The following RALGPS2 variants were observed in gnomAD, a reference collection of about 807,000 sequenced individuals.
The protein encoded by RALGPS2 is Ral GEF with PH domain and SH3 binding motif 2.
In RALGPS2, 43 loss-of-function variants were observed where a neutral mutation model predicts 86.8. The ratio of observed to expected loss-of-function variants is 0.50; its 90% CI spans 0.39 to 0.64. The LOEUF (loss-of-function observed/expected upper bound fraction) is 0.64, where lower values mean the gene tolerates loss of function less well. RALGPS2 is among the 30% of genes least tolerant of loss of function. RALGPS2 has a pLI of 0.00. For missense variants in RALGPS2, 536 were observed against 694.6 expected (o/e 0.77, Z 2.57); for synonymous variants, 243 against 231.3 (o/e 1.05, Z -0.46).
At chr1:178,913,845 G>C (rs536374682) in intron 19 of RALGPS2, among the ~76,000 whole-genome samples, 4 of 152,052 alleles carry the variant, frequency 2.6e-5, no homozygotes, top group Non-Finnish European at 5.9e-5. Flanking sequence ...GTCGACCACC[G>C]GCTGCACTGG....
At chr1:178,880,128 G>A (rs957653583) in intron 10 of RALGPS2, among the ~76,000 whole-genome samples, 3 of 151,918 alleles carry the variant, frequency 2.0e-5, no homozygotes, top group Admixed American at 1.3e-4. Context: ...ATAAAAGGTC[G>A]TGTTTCAAAA....
chr1:178,877,491 A>G lies in RALGPS2; in HGVS notation c.608-7A>G, dbSNP rs1349653233. On this transcript the variant is annotated splice_polypyrimidine_tract_variant and splice_region_variant and intron_variant, in intron 8 of 19. Transcript: ENST00000367635. ...AGAAAACGTTCATTTATCTAATTGT[A>G]TTTCAGGTATCTATTTGTCAGATTT... 7 of 1,612,504 alleles carry G rather than the reference A, an allele frequency of 4.3e-6. No individual in the cohort carries two copies. The highest frequency in any genetic ancestry group is 1.7e-5 in the Admixed American group (1 of 59,872).
At chr1:178,865,620 A>G (rs377060114) in intron 8 of RALGPS2, 2 of 1,613,894 alleles carry the variant, frequency 1.2e-6, no homozygotes, top group East Asian at 2.2e-5. Flanking sequence ...GGTACCAGGA[A>G]TGTGTATGCA....
intron 1 of RALGPS2, among the ~76,000 whole-genome samples, chr1:178,728,402 C>T (rs199635839): frequency 6.3e-4 from 81 of 129,540 alleles, no homozygotes; most frequent in Admixed American, 7.9e-4. Flanking sequence ...CGAAAGTATG[C>T]TTTTTTTTTT....
intron 7 of RALGPS2, among the ~76,000 whole-genome samples, chr1:178,828,929 A>C (rs1655886445): frequency 6.6e-6 from 1 of 152,224 alleles, no homozygotes; most frequent in Non-Finnish European, 1.5e-5. Context: ...GTATGTGTCC[A>C]GAGAAATTGA....
chr1:178,882,167 G>A (rs1001167122), intron 10 of RALGPS2, among the ~76,000 whole-genome samples: 4 of 152,192 alleles, frequency 2.6e-5, no homozygotes, highest in Admixed American at 2.0e-4. Flanking sequence ...TTATATTGCT[G>A]TCAGTTTCTA....
chr1:178,729,636 A>C (rs925168107), intron 1 of RALGPS2, among the ~76,000 whole-genome samples: 1 of 152,230 alleles, frequency 6.6e-6, no homozygotes, highest in Non-Finnish European at 1.5e-5. Context: ...TGCCAGCATG[A>C]CTCTCAAAGA....
chr1:178,910,361 C>G (rs978985634), intron 19 of RALGPS2, among the ~76,000 whole-genome samples: 1 of 152,112 alleles, frequency 6.6e-6, no homozygotes, highest in Non-Finnish European at 1.5e-5. Context: ...GGAATACTTC[C>G]AACTTTTGCC....
intron 19 of RALGPS2, among the ~76,000 whole-genome samples, chr1:178,913,655 G>A (rs1186810296): frequency 6.6e-6 from 1 of 152,090 alleles, no homozygotes; most frequent in Non-Finnish European, 1.5e-5. Flanking sequence ...GGTGCTTTTT[G>A]TTTTTATGTT....
chr1:178,809,398 C>T (rs914166648), intron 5 of RALGPS2, among the ~76,000 whole-genome samples: 11 of 151,698 alleles, frequency 7.3e-5, no homozygotes, highest in South Asian at 4.2e-4. Flanking sequence ...CTAATGTCAC[C>T]GAGATAGGAA....
intron 1 of RALGPS2, among the ~76,000 whole-genome samples, chr1:178,738,624 A>G (rs1011076508): frequency 5.3e-5 from 8 of 152,228 alleles, no homozygotes; most frequent in African/African-American, 1.9e-4. Flanking sequence ...GATCAGCCAT[A>G]TAATTTACTA....
chr1:178,768,786 C>T (rs1012904642), intron 1 of RALGPS2, among the ~76,000 whole-genome samples: 9 of 152,318 alleles, frequency 5.9e-5, no homozygotes, highest in South Asian at 2.1e-4. Context: ...GGCCACCAGA[C>T]GCCCAGAAGT....
At chr1:178,727,692 A>G (rs772291176) in intron 1 of RALGPS2, among the ~76,000 whole-genome samples, 2 of 152,118 alleles carry the variant, frequency 1.3e-5, no homozygotes, top group Non-Finnish European at 2.9e-5. Flanking sequence ...AATGATGGAT[A>G]TATAGGTGAA....
intron 4 of RALGPS2, among the ~76,000 whole-genome samples, chr1:178,804,152 A>G (rs568858384): frequency 1.3e-5 from 2 of 150,704 alleles, no homozygotes; most frequent in Admixed American, 6.6e-5. Context: ...AAATATTTGC[A>G]TAAGAGAACA....
intron 1 of RALGPS2, among the ~76,000 whole-genome samples, chr1:178,775,840 A>ATAT (rs895807333): frequency 2.0e-5 from 3 of 151,698 alleles, no homozygotes; most frequent in African/African-American, 7.3e-5. Context: ...AACATAGTGT[A>ATAT]TATTATGGTA....
At chr1:178,871,512 T>G (rs1009677141) in intron 8 of RALGPS2, among the ~76,000 whole-genome samples, 6 of 92,062 alleles carry the variant, frequency 6.5e-5, no homozygotes, top group African/African-American at 6.5e-5. Context: ...GAAGAATTTG[T>G]AAACATTTTA....
At chr1:178,898,766 A>T (rs1660047766) in intron 17 of RALGPS2, among the ~76,000 whole-genome samples, 1 of 151,972 alleles carries the variant, frequency 6.6e-6, no homozygotes, top group Non-Finnish European at 1.5e-5. Context: ...AATTGTTAAG[A>T]TAGCTCTTGC....
chr1:178,795,902 A>G (rs1323499518), intron 4 of RALGPS2, among the ~76,000 whole-genome samples: 1 of 152,182 alleles, frequency 6.6e-6, no homozygotes, highest in Admixed American at 6.6e-5. Flanking sequence ...TTTGCCTTAA[A>G]ATTAAAATAT....
At chr1:178,904,126 T>C (rs1660292608) in intron 18 of RALGPS2, among the ~76,000 whole-genome samples, 2 of 152,228 alleles carry the variant, frequency 1.3e-5, no homozygotes, top group Admixed American at 1.3e-4. Flanking sequence ...TTTTTTCATT[T>C]GTTTGTTGGC....
Sources: gnomAD v4.1 joint callset for allele counts (sites outside exome capture counted in the v4.1 genomes callset) on GRCh38, gnomAD v4.1.1 for gene constraint, MANE v1.5 for transcripts, NCBI Gene and HGNC (gene_info 2026-07-23, HGNC 2026-07-21) for gene names.